PSAP: variants seen among roughly 807,000 people sequenced by gnomAD.
The protein encoded by PSAP is prosaposin, also known as precursor of saposins.
Under a neutral mutation model 66.0 loss-of-function variants are expected in PSAP, and 25 were observed. The observed-to-expected ratio is 0.38, with a 90% confidence interval of 0.28 to 0.53. PSAP has a LOEUF of 0.53. Among genes scored for constraint, PSAP ranks in the 20% least tolerant of loss-of-function variants. The pLI is 0.83. For synonymous variants in PSAP, 273 were observed against 258.9 expected, an observed-to-expected ratio of 1.05 and a Z score of -0.52; for missense variants, 649 against 668.8, an observed-to-expected ratio of 0.97 and a Z score of 0.33.
At position 71,828,129 on chromosome 10, in the gene PSAP, A is replaced by C; in HGVS notation, c.605T>G (p.Ile202Ser). 6.2e-7 allele frequency: 1 copy of C among 1,614,154 alleles called. No individual in the cohort carries two copies. Among genetic ancestry groups the C allele is most frequent in the Non-Finnish European group, 8.5e-7 (1 of 1,180,034 alleles). Residue 202 changes from isoleucine to serine, a missense_variant, in exon 6 of 14, where the codon ATT (isoleucine) becomes AGT (serine). Ile to Ser is a moderately radical substitution (Grantham distance 142, BLOSUM62 -2). Coordinates refer to ENST00000394936, the MANE Select transcript of PSAP (RefSeq NM_002778.4). ...AGTCTGGATGTCAGTCACCATCTGAATGCAGTCCTGGCAAACGTCCCCATT... is the reference window on the plus strand; with the variant it reads ...AGTCTGGATGTCAGTCACCATCTGACTGCAGTCCTGGCAAACGTCCCCATT... ...KDNGDVCQDC[I>S]QMVTDIQTAV...
intron 1 of PSAP, among the ~76,000 whole-genome samples, chr10:71,843,044 A>C (rs943963766): frequency 6.6e-6 from 1 of 152,154 alleles, no homozygotes; most frequent in African/African-American, 2.4e-5. Context: ...CAAGCGATCA[A>C]GACAACACAC....
intron 1 of PSAP, among the ~76,000 whole-genome samples, chr10:71,846,067 A>T (rs985828127): frequency 9.2e-5 from 14 of 152,342 alleles, no homozygotes; most frequent in Non-Finnish European, 1.5e-4. Context: ...TTGACAATAC[A>T]TTACTTTTAT....
At chr10:71,830,637 T>C (rs995587856) in intron 4 of PSAP, among the ~76,000 whole-genome samples, 9 of 152,216 alleles carry the variant, frequency 5.9e-5, no homozygotes, top group African/African-American at 1.7e-4. Flanking sequence ...TGTCAAGGCC[T>C]TTCCAAATTC....
In PSAP at chr10:71,822,213, C is replaced by T. The variant is rs942106022; in HGVS notation, c.778-206G>A. On this transcript the variant is annotated intron_variant, in intron 7 of 13. Transcript: ENST00000394936. ...CAGTGCATATGTGCCAGTTACATCTCGGGGAGGAGACCACACAAAGCTCCT... is the reference window on the plus strand; with the variant it reads ...CAGTGCATATGTGCCAGTTACATCTTGGGGAGGAGACCACACAAAGCTCCT... The T allele has an allele frequency of 7.7e-6, 5 of 646,718 alleles. No homozygotes were observed. The highest frequency in any genetic ancestry group is 3.6e-5 in the African/African-American group (2 of 55,336). The allele number at this position is 646,718 out of a possible 1,614,324, so 40.1% of individuals were successfully genotyped here.
intron 8 of PSAP, 88 bp from the exon 9 acceptor site, chr10:71,820,423 C>G: frequency 9.0e-7 from 1 of 1,116,004 alleles, no homozygotes; most frequent in East Asian, 2.3e-5. Flanking sequence ...GACACAGAGA[C>G]CAGGGTGGGT....
In PSAP at chr10:71,851,247, A is replaced by C. The variant is rs1481064012; in HGVS notation, c.-26T>G. 1.9e-6 allele frequency: 3 copies of C among 1,550,472 alleles called. No homozygotes were observed. The highest frequency in any genetic ancestry group is 2.4e-5 in the South Asian group (2 of 84,056). ...AGCGCCGTCTGACTCCGCAGTCTGC[A>C]ATGCGGAGCGTCAGCTGATCCCCCG... On this transcript the variant is annotated 5_prime_UTR_variant, in exon 1 of 14. The change creates a new upstream start codon in the 5' untranslated region. Coordinates refer to ENST00000394936, the MANE Select transcript of PSAP (RefSeq NM_002778.4).
rs1842156439 is a variant in PSAP, at chr10:71,816,402, T to TC, written c.*1038_*1039insG. On this transcript the variant is annotated 3_prime_UTR_variant, in exon 14 of 14. Coordinates refer to ENST00000394936, the MANE Select transcript of PSAP (RefSeq NM_002778.4). Reference sequence around the variant, plus strand: ...TTCATGTCCTGCTGGCTTTGCTTGCTGTCTCCTGGCAACCAGAAGTGGACA... The same window carrying TC: ...TTCATGTCCTGCTGGCTTTGCTTGCTCGTCTCCTGGCAACCAGAAGTGGACA... 2.1e-6 allele frequency: 1 copy of TC among 471,118 alleles called. No homozygotes were observed. The highest frequency in any genetic ancestry group is 4.4e-6 in the Non-Finnish European group (1 of 227,032). 29.2% of individuals were successfully genotyped at this position (471,118 alleles called of 1,614,324 possible).
Position 71,816,356 on chromosome 10 carries a change from CG to C in PSAP, c.*1084del. The C allele has an allele frequency of 2.1e-6, 1 of 465,356 alleles. No homozygotes were observed. Among genetic ancestry groups the C allele is most frequent in the South Asian group, 1.6e-5 (1 of 64,504 alleles). The allele number at this position is 465,356 out of a possible 1,614,324, so 28.8% of individuals were successfully genotyped here. Reference sequence around the variant, plus strand: ...AAACTTTAGTGCAAAACAAAAATCACGAAGTCCATTTAATAGCAACTTCATG... The same window carrying C: ...AAACTTTAGTGCAAAACAAAAATCACAAGTCCATTTAATAGCAACTTCATG... On this transcript the variant is annotated 3_prime_UTR_variant, in exon 14 of 14. Transcript: ENST00000394936.
At position 71,819,856 on chromosome 10, in the gene PSAP, C is replaced by A; in HGVS notation, c.1050G>T (p.Pro350=). Residue 350 remains proline (P), a synonymous_variant, in exon 10 of 14, where the codon CCG becomes CCT. Transcript: ENST00000394936. ...CCTGGCACTCTTCCGACAGGGACTTCGGCAGCTTCGAGCACATTTTGTCAA... is the reference window on the plus strand; with the variant it reads ...CCTGGCACTCTTCCGACAGGGACTTAGGCAGCTTCGAGCACATTTTGTCAA... ...DAFDKMCSKL[P]KSLSEECQEV... is the part of the protein sequence containing the mutation. The A allele has an allele frequency of 6.2e-7, 1 of 1,614,162 alleles. No homozygotes were observed. Among genetic ancestry groups the A allele is most frequent in the Non-Finnish European group, 8.5e-7 (1 of 1,180,034 alleles).
intron 1 of PSAP, among the ~76,000 whole-genome samples, chr10:71,842,841 AAATT>A (rs1379612212): frequency 2.0e-5 from 3 of 152,218 alleles, no homozygotes; most frequent in African/African-American, 7.2e-5. Context: ...CAATTTCTTA[AAATT>A]AATTTCAGAA....
chr10:71,825,602 C>T, intron 7 of PSAP: 1 of 647,838 alleles, frequency 1.5e-6, no homozygotes. Context: ...AACAAATTGC[C>T]AGGAAGCCAC....
chr10:71,822,276 C>T lies in PSAP; in HGVS notation c.778-269G>A, dbSNP rs115072950. On this transcript the variant is annotated intron_variant, in intron 7 of 13. Coordinates refer to ENST00000394936, the MANE Select transcript of PSAP (RefSeq NM_002778.4). Reference sequence around the variant, plus strand: ...ACAGAGTCTCCATCCAGGGCCACCACGAGGGAGACTCCCCAGCACCTTCCA... The same window carrying T: ...ACAGAGTCTCCATCCAGGGCCACCATGAGGGAGACTCCCCAGCACCTTCCA... 874 of 510,714 alleles carry T rather than the reference C, an allele frequency of 1.7e-3. 5 individuals are homozygous for T. The highest frequency in any genetic ancestry group is 0.014 in the African/African-American group (721 of 51,834). The allele number at this position is 510,714 out of a possible 1,614,324, so 31.6% of individuals were successfully genotyped here.
At chr10:71,831,776 A>C in intron 3 of PSAP, 70 bp downstream of exon 3, 1 of 1,465,990 alleles carries the variant, frequency 6.8e-7, no homozygotes, top group Non-Finnish European at 9.5e-7. Context: ...GACACCCGGA[A>C]TCACAGCTCT....
At chr10:71,833,126 T>C (rs549558763) in intron 2 of PSAP, among the ~76,000 whole-genome samples, 2 of 150,266 alleles carry the variant, frequency 1.3e-5, no homozygotes, top group South Asian at 2.1e-4. Context: ...AAACAGGAAG[T>C]AGTATTAAAA....
chr10:71,825,576 T>C, intron 7 of PSAP: 1 of 548,218 alleles, frequency 1.8e-6, no homozygotes. Flanking sequence ...ATGGCTGGCC[T>C]GAACGGGCAG....
rs533855453 is a variant in PSAP, at chr10:71,830,901, G to T, written c.375+225C>A. ...CCGGTTTACATTCCTTCAGCAGTCC[G>T]ACCAGTCCCCAGCAGCCGCACCCTC... is the stretch of plus-strand genomic sequence containing the variant. On this transcript the variant is annotated intron_variant, in intron 4 of 13. Transcript: ENST00000394936. 8.8e-4 allele frequency among the ~76,000 whole-genome samples: 134 copies of T among 152,290 alleles called. No individual in the cohort carries two copies. The highest frequency in any genetic ancestry group is 3.4e-3 in the Middle Eastern group (1 of 294).
Position 71,819,573 on chromosome 10 carries a change from C to T in PSAP, c.1242G>A (p.Lys414=). 6.2e-7 allele frequency: 1 copy of T among 1,614,232 alleles called. No homozygotes were observed. The highest frequency in any genetic ancestry group is 8.5e-7 in the Non-Finnish European group (1 of 1,180,052). ...KDGGFCEVCK[K]LVGYLDRNLE... is the part of the protein sequence containing the mutation. ...GGTTGCGATCCAAATAACCCACCAGCTTCTTGCACACTTCGCAGAAGCCAC... is the reference window on the plus strand; with the variant it reads ...GGTTGCGATCCAAATAACCCACCAGTTTCTTGCACACTTCGCAGAAGCCAC... The change falls in exon 11 of 14, where the codon AAG becomes AAA. Residue 414 remains lysine, a synonymous_variant. Coordinates refer to ENST00000394936, the MANE Select transcript of PSAP (RefSeq NM_002778.4).
intron 1 of PSAP, among the ~76,000 whole-genome samples, chr10:71,840,242 C>A (rs1589457412): frequency 6.6e-6 from 1 of 151,812 alleles, no homozygotes; most frequent in Non-Finnish European, 1.5e-5. Flanking sequence ...ACAATCAGAG[C>A]CTACATTCCA....
In PSAP at chr10:71,825,909, CAG is replaced by C. The variant is rs1357859276; in HGVS notation, c.721-18_721-17del. On this transcript the variant is annotated splice_polypyrimidine_tract_variant and intron_variant, in intron 6 of 13. Transcript: ENST00000394936. ...AGTTCTTGCACTGAGGAGAGAGAAA[CAG>C]ATTGCTAAACAAATCACTGCAACAA... 1 of 1,609,688 alleles carries C rather than the reference CAG, an allele frequency of 6.2e-7. No individual in the cohort carries two copies. The highest frequency in any genetic ancestry group is 8.5e-7 in the Non-Finnish European group (1 of 1,176,046).
Sources: gnomAD v4.1 joint callset for allele counts (sites outside exome capture counted in the v4.1 genomes callset) on GRCh38, gnomAD v4.1.1 for gene constraint, MANE v1.5 for transcripts, NCBI Gene and HGNC (gene_info 2026-07-23, HGNC 2026-07-21) for gene names.